The following RANBP17 variants were observed in gnomAD, a reference collection of about 807,000 sequenced individuals.
RANBP17 encodes RAN binding protein 17.
RANBP17 carries 158 observed loss-of-function variants against 141.2 expected under a neutral mutation model. The ratio of observed to expected loss-of-function variants is 1.12; its 90% CI spans 0.98 to 1.28. The LOEUF is 1.28. Ranked by LOEUF, RANBP17 falls within the 50% of genes most tolerant of loss-of-function variation. The probability of loss-of-function intolerance (pLI) is 0.00; values close to 1 mark genes in which losing one functional copy is unlikely to be tolerated. For synonymous variants in RANBP17, 430 were observed against 450.0 expected (o/e 0.96, Z 0.56); for missense variants, 1,438 against 1,290.7 (o/e 1.11, Z -1.75).
At chr5:171,045,305 A>G (rs908823180) in intron 14 of RANBP17, among the ~76,000 whole-genome samples, 3 of 152,140 alleles carry the variant, frequency 2.0e-5, no homozygotes, top group African/African-American at 7.2e-5. Flanking sequence ...AGTACTTGAT[A>G]TAACTATATG....
chr5:171,018,759 G>T (rs1276926289), intron 14 of RANBP17, among the ~76,000 whole-genome samples: 2 of 152,064 alleles, frequency 1.3e-5, no homozygotes, highest in African/African-American at 4.8e-5. Context: ...TCTTTCCCTT[G>T]CCTGGTTGCC....
At chr5:171,174,680 T>C (rs959061984) in intron 16 of RANBP17, among the ~76,000 whole-genome samples, 7 of 152,046 alleles carry the variant, frequency 4.6e-5, no homozygotes, top group Non-Finnish European at 1.0e-4. Flanking sequence ...TTTCATTCTC[T>C]ATCAGGCCCT....
intron 12 of RANBP17, among the ~76,000 whole-genome samples, chr5:170,930,879 A>G (rs1334571005): frequency 2.6e-5 from 4 of 152,190 alleles, no homozygotes; most frequent in Non-Finnish European, 5.9e-5. Flanking sequence ...ATACATGTGC[A>G]TGTGTCCTTA....
At chr5:171,070,728 C>G (rs184558422) in intron 14 of RANBP17, among the ~76,000 whole-genome samples, 7 of 151,240 alleles carry the variant, frequency 4.6e-5, no homozygotes, top group African/African-American at 1.5e-4. Context: ...CCTTCCCCTC[C>G]TCTACACTTT....
At chr5:171,000,931 G>A (rs895230202) in intron 14 of RANBP17, among the ~76,000 whole-genome samples, 2 of 152,166 alleles carry the variant, frequency 1.3e-5, no homozygotes, top group African/African-American at 4.8e-5. Flanking sequence ...ATCAGTTAAG[G>A]CTGTTTTCAC....
intron 14 of RANBP17, among the ~76,000 whole-genome samples, chr5:171,025,817 G>A (rs981165667): frequency 1.4e-4 from 22 of 152,004 alleles, no homozygotes; most frequent in African/African-American, 4.6e-4. Context: ...TGAACTCCTA[G>A]CCTCAAGTGA....
intron 14 of RANBP17, among the ~76,000 whole-genome samples, chr5:171,155,200 G>T (rs1260959559): frequency 6.8e-6 from 1 of 146,258 alleles, no homozygotes; most frequent in Non-Finnish European, 1.5e-5. Context: ...TATTTTGATT[G>T]TACATTCTTA....
chr5:171,112,506 CACAG>C (rs1755309166), intron 14 of RANBP17, among the ~76,000 whole-genome samples: 1 of 151,588 alleles, frequency 6.6e-6, no homozygotes, highest in Admixed American at 6.6e-5. Context: ...TCATTGTCAC[CACAG>C]ACAGACAATA....
chr5:171,270,124 C>G (rs1200616886), intron 25 of RANBP17, among the ~76,000 whole-genome samples: 3 of 152,194 alleles, frequency 2.0e-5, no homozygotes, highest in Non-Finnish European at 2.9e-5. Flanking sequence ...ACAGGCCTTT[C>G]CATTTGTGTA....
At chr5:170,869,005 T>G (rs145237136) in intron 1 of RANBP17, among the ~76,000 whole-genome samples, 120 of 152,290 alleles carry the variant, frequency 7.9e-4, no homozygotes, top group African/African-American at 2.7e-3. Context: ...TTTGTTACCT[T>G]TACAGTGAAA....
At chr5:171,186,526 CTTTTTTTTTTTTTTTTT>C (rs757585137) in intron 18 of RANBP17, among the ~76,000 whole-genome samples, 2 of 41,664 alleles carry the variant, frequency 4.8e-5, no homozygotes, top group East Asian at 1.8e-3. Context: ...GTATGATTTT[CTTTTTTTTTTTTTTTTT>C]TTTTTTTTTT....
intron 14 of RANBP17, among the ~76,000 whole-genome samples, chr5:170,996,631 A>G (rs1778835833): frequency 6.6e-6 from 1 of 152,224 alleles, no homozygotes; most frequent in South Asian, 2.1e-4. Context: ...CCGTAGGTGT[A>G]CATAATGTTT....
intron 3 of RANBP17, among the ~76,000 whole-genome samples, chr5:170,884,880 C>G (rs192426755): frequency 1.4e-5 from 2 of 146,544 alleles, no homozygotes; most frequent in African/African-American, 4.9e-5. Context: ...TCATGTGGCA[C>G]TGGTTCAGAA....
chr5:171,000,530 A>T (rs1657632886), intron 14 of RANBP17, among the ~76,000 whole-genome samples: 1 of 152,220 alleles, frequency 6.6e-6, no homozygotes, highest in Non-Finnish European at 1.5e-5. Flanking sequence ...ATTGCTTTTA[A>T]ATCTGAATAT....
intron 12 of RANBP17, among the ~76,000 whole-genome samples, chr5:170,935,005 C>A (rs192665715): frequency 1.0e-3 from 157 of 152,272 alleles, no homozygotes; most frequent in African/African-American, 3.4e-3. Flanking sequence ...TTGTTCATTT[C>A]TTTTTACTCT....
At chr5:171,128,826 C>CG (rs1486366329) in intron 14 of RANBP17, among the ~76,000 whole-genome samples, 3 of 151,002 alleles carry the variant, frequency 2.0e-5, no homozygotes, top group Non-Finnish European at 4.4e-5. Context: ...TCAAGACCCC[C>CG]CCCAAAAAAA....
chr5:170,954,545 CCCCA>C (rs1775457197), intron 13 of RANBP17, among the ~76,000 whole-genome samples: 1 of 138,614 alleles, frequency 7.2e-6, no homozygotes, highest in Admixed American at 7.2e-5. Context: ...CACACACACA[CCCCA>C]ACCCCACCCA....
chr5:170,929,292 AT>A (rs1773157980), intron 12 of RANBP17, among the ~76,000 whole-genome samples: 1 of 152,080 alleles, frequency 6.6e-6, no homozygotes, highest in South Asian at 2.1e-4. Flanking sequence ...AGAAGGGGAC[AT>A]TCTTGCCTTG....
At chr5:171,050,717 T>C (rs1782900519) in intron 14 of RANBP17, among the ~76,000 whole-genome samples, 2 of 152,208 alleles carry the variant, frequency 1.3e-5, no homozygotes, top group Non-Finnish European at 2.9e-5. Flanking sequence ...GAAAGTAATA[T>C]TGTTACATTT....
Sources: gnomAD v4.1 joint callset for allele counts (sites outside exome capture counted in the v4.1 genomes callset) on GRCh38, gnomAD v4.1.1 for gene constraint, MANE v1.5 for transcripts, NCBI Gene and HGNC (gene_info 2026-07-23, HGNC 2026-07-21) for gene names.